Variants in SUMF1 observed in about 807,000 individuals in gnomAD.
The protein encoded by SUMF1 is formylglycine-generating enzyme.
In SUMF1, 48 loss-of-function variants were observed where a neutral mutation model predicts 47.6. The ratio of observed to expected loss-of-function variants is 1.01; its 90% CI spans 0.80 to 1.28. SUMF1 has a LOEUF of 1.28. Ranked by LOEUF, SUMF1 falls within the 50% of genes most tolerant of loss-of-function variation. SUMF1 has a pLI of 0.00. For synonymous variants in SUMF1, 230 were observed against 192.1 expected, an observed-to-expected ratio of 1.20 and a Z score of -1.63; for missense variants, 571 against 485.4, an observed-to-expected ratio of 1.18 and a Z score of -1.66.
intron 9 of SUMF1, among the ~76,000 whole-genome samples, chr3:4,045,077 A>T (rs906911329): frequency 6.6e-6 from 1 of 152,188 alleles, no homozygotes; most frequent in African/African-American, 2.4e-5. Context: ...TATTTATTCA[A>T]CCAAACACTA....
At chr3:4,366,004 G>A (rs1699941276) in intron 8 of SUMF1, among the ~76,000 whole-genome samples, 1 of 151,686 alleles carries the variant, frequency 6.6e-6, no homozygotes, top group Non-Finnish European at 1.5e-5. Context: ...ATGAAATTCT[G>A]GGTTGAAAAT....
chr3:4,419,974 T>G, intron 4 of SUMF1, 90 bp downstream of exon 4: 7 of 984,648 alleles, frequency 7.1e-6, no homozygotes, highest in Non-Finnish European at 1.1e-5. Context: ...ATTTTATAGA[T>G]GAAGATGCCC....
chr3:4,399,250 G>T (rs1460784383), intron 7 of SUMF1, among the ~76,000 whole-genome samples: 4 of 152,076 alleles, frequency 2.6e-5, no homozygotes, highest in Non-Finnish European at 5.9e-5. Context: ...GTAAAGTCAG[G>T]ACTATATTAT....
At chr3:4,458,165 TA>T (rs1244441682) in intron 1 of SUMF1, among the ~76,000 whole-genome samples, 2 of 152,052 alleles carry the variant, frequency 1.3e-5, no homozygotes, top group African/African-American at 4.8e-5. Flanking sequence ...AAATGCAAAT[TA>T]AAACCACAAT....
At chr3:4,313,693 G>A (rs757186238) in intron 8 of SUMF1, 3 of 1,614,042 alleles carry the variant, frequency 1.9e-6, no homozygotes, top group South Asian at 1.1e-5. Flanking sequence ...TTGTGGAAAT[G>A]AGAAGGAACC....
chr3:4,388,410 A>G (rs1190976982), intron 7 of SUMF1, among the ~76,000 whole-genome samples: 1 of 152,026 alleles, frequency 6.6e-6, no homozygotes, highest in Admixed American at 6.6e-5. Context: ...TGTTTACATA[A>G]TATATATTTT....
At chr3:4,206,646 G>C (rs1451312883) in intron 8 of SUMF1, among the ~76,000 whole-genome samples, 1 of 152,076 alleles carries the variant, frequency 6.6e-6, no homozygotes, top group Non-Finnish European at 1.5e-5. Context: ...TCCTCGAAAT[G>C]ATTTTAAAAT....
intron 8 of SUMF1, among the ~76,000 whole-genome samples, chr3:4,115,554 G>A (rs545586020): frequency 1.5e-5 from 2 of 133,122 alleles, no homozygotes; most frequent in African/African-American, 6.0e-5. Flanking sequence ...GCCCAAAAAC[G>A]CTCCTCACGA....
chr3:4,360,868 G>C (rs1227732368), downstream of SUMF1, among the ~76,000 whole-genome samples: 2 of 152,136 alleles, frequency 1.3e-5, no homozygotes, highest in Non-Finnish European at 2.9e-5. Context: ...CCCGGCATGG[G>C]AAGCAAATGC....
chr3:4,090,114 T>C (rs1692752637), intron 8 of SUMF1, among the ~76,000 whole-genome samples: 1 of 152,174 alleles, frequency 6.6e-6, no homozygotes, highest in Non-Finnish European at 1.5e-5. Flanking sequence ...AGGTGCTTCA[T>C]TAATATTTGG....
rs184784180 is a variant in SUMF1 at position 4,098,647 on chromosome 3, T to C, written c.1015-29902A>G. 5.8e-4 allele frequency among the ~76,000 whole-genome samples: 89 copies of C among 152,290 alleles called. No individual in the cohort carries two copies. In the East Asian group the frequency reaches 0.013, roughly 23 times the overall value. On this transcript the variant is annotated intron_variant and NMD_transcript_variant, in intron 8 of 12. Transcript: ENST00000448413. ...ATCACCATATTTTTATGCACAATATTTTCCCCCTAGAAACTGCATAATCAT... is the reference window on the plus strand; with the variant it reads ...ATCACCATATTTTTATGCACAATATCTTCCCCCTAGAAACTGCATAATCAT...
chr3:4,128,026 T>C (rs1574907429), intron 8 of SUMF1, among the ~76,000 whole-genome samples: 3 of 152,112 alleles, frequency 2.0e-5, no homozygotes, highest in African/African-American at 7.2e-5. Flanking sequence ...CCGAGGAACA[T>C]AATGAAGCAG....
chr3:4,436,050 G>A (rs1216019643), intron 3 of SUMF1, among the ~76,000 whole-genome samples: 3 of 152,246 alleles, frequency 2.0e-5, no homozygotes, highest in African/African-American at 7.2e-5. Flanking sequence ...GGGAGGCCAA[G>A]GTGGGAGGAT....
intron 6 of SUMF1, among the ~76,000 whole-genome samples, chr3:4,414,201 T>A (rs1395856694): frequency 1.3e-5 from 2 of 152,138 alleles, no homozygotes; most frequent in African/African-American, 4.8e-5. Flanking sequence ...CATGATGGTG[T>A]GCACCTGTAG....
At chr3:4,303,670 G>A (rs1407769821) in intron 8 of SUMF1, 2 of 1,486,340 alleles carry the variant, frequency 1.3e-6, no homozygotes, top group East Asian at 5.4e-5. Flanking sequence ...GAATAGGTGT[G>A]CATGCCCCGG....
intron 8 of SUMF1, among the ~76,000 whole-genome samples, chr3:4,142,229 T>A (rs925676278): frequency 6.6e-6 from 1 of 151,688 alleles, no homozygotes; most frequent in African/African-American, 2.4e-5. Context: ...TTTTTCACTG[T>A]TAAAGAAAAA....
chr3:4,233,644 C>A (rs181080826), intron 8 of SUMF1, among the ~76,000 whole-genome samples: 5 of 152,006 alleles, frequency 3.3e-5, no homozygotes, highest in Non-Finnish European at 7.4e-5. Flanking sequence ...TACCACACTG[C>A]AGTTTCAAAA....
At chr3:4,458,983 AT>A (rs2079740246) in intron 1 of SUMF1, among the ~76,000 whole-genome samples, 1 of 152,182 alleles carries the variant, frequency 6.6e-6, no homozygotes, top group Non-Finnish European at 1.5e-5. Context: ...CATATGTGAA[AT>A]CTAAAAAAGT....
chr3:4,174,975 T>C (rs1175708893), intron 8 of SUMF1, among the ~76,000 whole-genome samples: 1 of 152,088 alleles, frequency 6.6e-6, no homozygotes, highest in East Asian at 1.9e-4. Context: ...GCAGCCGGGC[T>C]GGGGGAGGGG....
Sources: allele counts gnomAD v4.1 joint callset (sites outside exome capture counted in the v4.1 genomes callset), GRCh38; gene constraint gnomAD v4.1.1; transcripts MANE v1.5; gene names NCBI Gene and HGNC (gene_info 2026-07-23, HGNC 2026-07-21).